The following PROK2 variants were observed in gnomAD, a reference collection of about 807,000 sequenced individuals.
PROK2 encodes prokineticin-2.
Under a neutral mutation model 14.2 loss-of-function variants are expected in PROK2, and 8 were observed. That is an observed-to-expected ratio of 0.56 (90% CI 0.33 to 1.02). The LOEUF is 1.02. Among genes scored for constraint, PROK2 ranks in the 50% least tolerant of loss-of-function variants. PROK2 has a pLI of 0.03. For synonymous variants in PROK2, 59 were observed against 60.7 expected, an observed-to-expected ratio of 0.97 and a Z score of 0.13; for missense variants, 154 against 160.4, an observed-to-expected ratio of 0.96 and a Z score of 0.22.
chr3:71,774,269 T>G (rs1468951853), intron 3 of PROK2, among the ~76,000 whole-genome samples, 176 bp downstream of exon 3: 1 of 152,204 alleles, frequency 6.6e-6, no homozygotes, highest in Non-Finnish European at 1.5e-5. Context: ...TTTGTATATA[T>G]CATATAGATA....
chr3:71,776,806 A>C (rs1038660495), intron 2 of PROK2, among the ~76,000 whole-genome samples: 1 of 152,232 alleles, frequency 6.6e-6, no homozygotes, highest in Non-Finnish European at 1.5e-5. Flanking sequence ...CAAATGCAAG[A>C]GAAAGTGCTT....
rs144910263 is a variant in PROK2 at position 71,784,206 on chromosome 3, G to T, written c.96+751C>A. On this transcript the variant is annotated intron_variant, in intron 1 of 3. Transcript: ENST00000295619. The stretch of plus-strand genomic sequence containing the variant: ...TTTTTCAGATCCACACAAAATTGTT[G>T]AGAGTGGGAGAGAACTGAACTAGTT... Among the ~76,000 whole-genome samples the T allele has an allele frequency of 6.2e-3, 951 of 152,312 alleles. 6 individuals carry two copies. Among genetic ancestry groups the T allele is most frequent in the Middle Eastern group, 0.017 (5 of 294 alleles).
In PROK2 at chr3:71,772,749, C is replaced by T. The variant is rs371819884; in HGVS notation, c.365G>A (p.Arg122Gln). 1.2e-5 allele frequency: 19 copies of T among 1,613,930 alleles called. No individual in the cohort carries two copies. Among genetic ancestry groups the T allele is most frequent in the East Asian group, 4.5e-5 (2 of 44,892 alleles). Residue 122 changes from arginine to glutamine, a missense_variant, in exon 4 of 4, where the codon CGA becomes CAA. By Grantham distance (43) the Arg-to-Gln change is conservative (BLOSUM62 1). Coordinates refer to ENST00000295619, the MANE Select transcript of PROK2 (RefSeq NM_001126128.2). ...GLACLRTSFN[R>Q]FICLAQK ...TTACTTTTGGGCTAAACAAATAAATCGGTTAAATGAAGTCCGTAAACAGGC... is the reference window on the plus strand; with the variant it reads ...TTACTTTTGGGCTAAACAAATAAATTGGTTAAATGAAGTCCGTAAACAGGC...
In PROK2 at chr3:71,781,518, A is replaced by T; in HGVS notation, c.171T>A (p.Ile57=). The T allele has an allele frequency of 6.2e-7, 1 of 1,613,872 alleles. No individual in the cohort carries two copies. Among genetic ancestry groups the T allele is most frequent in the Non-Finnish European group, 8.5e-7 (1 of 1,179,806 alleles). The change falls in exon 2 of 4, where the codon ATT becomes ATA. Residue 57 remains isoleucine (I), a synonymous_variant. Transcript: ENST00000295619. ...AVSIWVKSIR[I]CTPMGKLGDS... is the part of the protein sequence containing the mutation. ...CTCCCAGTTTGCCCATAGGTGTGCA[A>T]ATCCTTATGCTCTTGACCCAGATAC...
chr3:71,778,261 T>C lies in PROK2; in HGVS notation c.222+3206A>G, dbSNP rs115159760. The stretch of plus-strand genomic sequence containing the variant: ...AAATTTGAGAAAAATGAATACCTGT[T>C]AAAACTATTATTTGCTTTAAAATGT... On this transcript the variant is annotated intron_variant, in intron 2 of 3. Transcript: ENST00000295619. Among the ~76,000 whole-genome samples the C allele has an allele frequency of 6.4e-3, 977 of 152,166 alleles. 13 individuals are homozygous for C. Among genetic ancestry groups the C allele is most frequent in the African/African-American group, 0.023 (942 of 41,552 alleles).
In PROK2 at chr3:71,784,995, G is replaced by A. The variant is rs1291991188; in HGVS notation, c.58C>T (p.Leu20Phe). ...GCGGCGTCCCCAGCGCGGGGCGTGA[G>A]CAGCAGCGGCGGCAGCAGCAAGAGG... is the stretch of plus-strand genomic sequence containing the variant. ...LLLLLLPPLL[L>F]TPRAGDAAVI... Residue 20 changes from leucine (L) to phenylalanine (F), a missense_variant, in exon 1 of 4, where the codon CTC (leucine) becomes TTC (phenylalanine). Physicochemically the swap from Leu to Phe is conservative, Grantham distance 22. Coordinates refer to ENST00000295619, the MANE Select transcript of PROK2 (RefSeq NM_001126128.2). The A allele has an allele frequency of 8.0e-7, 1 of 1,249,052 alleles. No homozygotes were observed. Among genetic ancestry groups the A allele is most frequent in the Non-Finnish European group, 1.0e-6 (1 of 994,158 alleles). 77.4% of individuals were successfully genotyped at this position (1,249,052 alleles called of 1,614,324 possible).
intron 2 of PROK2, among the ~76,000 whole-genome samples, chr3:71,776,425 T>C (rs2050120658): frequency 7.6e-6 from 1 of 130,796 alleles, no homozygotes; most frequent in African/African-American, 2.8e-5. Context: ...GTGCCCAGAC[T>C]GGAGTGCAAT....
intron 3 of PROK2, 59 bp downstream of exon 3, chr3:71,774,386 G>A: frequency 3.2e-6 from 5 of 1,551,286 alleles, no homozygotes; most frequent in Non-Finnish European, 4.4e-6. Context: ...GTCCAACAAT[G>A]TAAAGGCTAA....
In PROK2 at chr3:71,785,053, G is replaced by A; in HGVS notation, c.-1C>T. On this transcript the variant is annotated 5_prime_UTR_variant, in exon 1 of 4. Transcript: ENST00000295619. ...GTGGGGCGCAGCACAGGCTCCTCAT[G>A]GCGCCCTCGGGACTGGGCGGCCGCC... The A allele has an allele frequency of 8.1e-7, 1 of 1,238,040 alleles. No individual in the cohort carries two copies. The highest frequency in any genetic ancestry group is 1.0e-6 in the Non-Finnish European group (1 of 987,238). 76.7% of individuals were successfully genotyped at this position (1,238,040 alleles called of 1,614,324 possible).
intron 2 of PROK2, 138 bp from the exon 3 acceptor site, chr3:71,774,645 T>C (rs965515157): frequency 8.3e-6 from 10 of 1,206,136 alleles, no homozygotes; most frequent in Non-Finnish European, 1.1e-5. Flanking sequence ...GTCCTTTTGC[T>C]ATGTCATGAC....
In PROK2 at chr3:71,785,028, G is replaced by A. The variant is rs779418940; in HGVS notation, c.25C>T (p.Leu9Phe). ...GGCGGCAGCAGCAAGAGGAGCAGGA[G>A]TGGGGCGCAGCACAGGCTCCTCATG... Reference protein sequence around the residue: MRSLCCAPLLLLLLLPPLL... With the variant: MRSLCCAPFLLLLLLPPLL... The change falls in exon 1 of 4, where the codon CTC becomes TTC. Residue 9 changes from leucine to phenylalanine, a missense_variant. By Grantham distance (22) the Leu-to-Phe change is conservative. Transcript: ENST00000295619. The A allele has an allele frequency of 1.1e-5, 14 of 1,244,668 alleles. No individual in the cohort carries two copies. Among genetic ancestry groups the A allele is most frequent in the Non-Finnish European group, 1.4e-5 (14 of 991,074 alleles). The allele number at this position is 1,244,668 out of a possible 1,614,324, so 77.1% of individuals were successfully genotyped here.
At chr3:71,772,962 T>G (rs548941687) in intron 3 of PROK2, 134 bp from the exon 4 acceptor site, 2 of 727,848 alleles carry the variant, frequency 2.7e-6, no homozygotes, top group South Asian at 3.2e-5. Context: ...GGCAATATGC[T>G]CAGTACTTTT....
chr3:71,776,037 C>A (rs536481753), intron 2 of PROK2, among the ~76,000 whole-genome samples: 3 of 152,126 alleles, frequency 2.0e-5, no homozygotes, highest in Non-Finnish European at 4.4e-5. Flanking sequence ...GAGGCCGAAG[C>A]CCCTCTCATG....
rs2050118816 is a variant in PROK2, at chr3:71,776,363, C to CTTTTT, written c.223-1857_223-1856insAAAAA. Among the ~76,000 whole-genome samples the CTTTTT allele has an allele frequency of 6.1e-4, 56 of 92,064 alleles. 6 individuals are homozygous for CTTTTT. The highest frequency in any genetic ancestry group is 8.7e-4 in the Non-Finnish European group (43 of 49,440). 60.4% of individuals were successfully genotyped at this position (92,064 alleles called of 152,430 possible). On this transcript the variant is annotated intron_variant, in intron 2 of 3. Transcript: ENST00000295619. ...CTTTTCTTTTTTTCTTTTCGCTTTT[C>CTTTTT]ATTTTTTTTTTTTTTTTTTTTTTTT...
chr3:71,779,865 C>T (rs1029200279), intron 2 of PROK2, among the ~76,000 whole-genome samples: 2 of 152,216 alleles, frequency 1.3e-5, no homozygotes, highest in Non-Finnish European at 2.9e-5. Context: ...CTGCCTCAGA[C>T]TCCCAAATTG....
chr3:71,780,815 A>G (rs889276968), intron 2 of PROK2, among the ~76,000 whole-genome samples: 1 of 152,136 alleles, frequency 6.6e-6, no homozygotes, highest in African/African-American at 2.4e-5. Flanking sequence ...TGGAGATACA[A>G]TCTCTCAAAC....
intron 1 of PROK2, among the ~76,000 whole-genome samples, chr3:71,783,613 G>T (rs921813654): frequency 6.6e-6 from 1 of 152,150 alleles, no homozygotes; most frequent in Non-Finnish European, 1.5e-5. Context: ...GTTGTCCTGT[G>T]AATGGAACAA....
chr3:71,773,148 T>C (rs2050093472), intron 3 of PROK2, among the ~76,000 whole-genome samples: 2 of 152,148 alleles, frequency 1.3e-5, no homozygotes, highest in African/African-American at 4.8e-5. Flanking sequence ...CCCAACTAAC[T>C]TTTGCAGTTT....
chr3:71,777,315 T>C (rs1206549095), intron 2 of PROK2, among the ~76,000 whole-genome samples: 23 of 152,364 alleles, frequency 1.5e-4, no homozygotes, highest in Non-Finnish European at 2.4e-4. Context: ...AAAATCAGCA[T>C]ATTATGCTTT....
Sources: gnomAD v4.1 joint callset for allele counts (sites outside exome capture counted in the v4.1 genomes callset) on GRCh38, gnomAD v4.1.1 for gene constraint, MANE v1.5 for transcripts, NCBI Gene and HGNC (gene_info 2026-07-23, HGNC 2026-07-21) for gene names.